DNAH2: variants seen among roughly 807,000 people sequenced by gnomAD.
The protein encoded by DNAH2 is axonemal beta dynein heavy chain 2.
DNAH2 carries 323 observed loss-of-function variants against 523.5 expected under a neutral mutation model. That is an observed-to-expected ratio of 0.62 (90% confidence interval 0.56 to 0.68). DNAH2 has a LOEUF of 0.68. Ranked by LOEUF, DNAH2 falls within the 30% of genes least tolerant of loss-of-function variation. The probability of loss-of-function intolerance (pLI) is 0.00; values close to 1 mark genes in which losing one functional copy is unlikely to be tolerated. For synonymous variants in DNAH2, 2,093 were observed against 2,177.4 expected, an observed-to-expected ratio of 0.96 and a Z score of 1.08; for missense variants, 4,907 against 5,701.5, an observed-to-expected ratio of 0.86 and a Z score of 4.49.
chr17:7,763,754 A>G (rs1487352549), intron 18 of DNAH2, 77 bp from the exon 19 acceptor site: 78 of 1,560,092 alleles, frequency 5.0e-5, no homozygotes, highest in Non-Finnish European at 6.6e-5. Flanking sequence ...AGGAAATGAG[A>G]CCTGCAGCCC....
chr17:7,803,960 G>C (rs1567726974), intron 58 of DNAH2, among the ~76,000 whole-genome samples: 1 of 152,234 alleles, frequency 6.6e-6, no homozygotes, highest in African/African-American at 2.4e-5. Flanking sequence ...GGAAACAGAG[G>C]AAGATTCTCA....
Position 7,742,922 on chromosome 17 carries a change from C to G in DNAH2, c.1690-6C>G, listed in dbSNP as rs2075395900. ...GACTCCACCCACCTGTTCTTCTTCC[C>G]CTCAGTGCCTTGCTGGTGCTCATTT... On this transcript the variant is annotated splice_region_variant and splice_polypyrimidine_tract_variant and intron_variant, in intron 11 of 85. Coordinates refer to ENST00000572933, the MANE Select transcript of DNAH2 (RefSeq NM_020877.5). 18 of 1,455,380 alleles carry G rather than the reference C, an allele frequency of 1.2e-5. No individual in the cohort carries two copies. The highest frequency in any genetic ancestry group is 1.7e-5 in the South Asian group (1 of 59,670). The allele number at this position is 1,455,380 out of a possible 1,614,324, so 90.2% of individuals were successfully genotyped here.
intron 32 of DNAH2, 47 bp from the exon 33 acceptor site, chr17:7,777,399 G>A: frequency 1.2e-6 from 2 of 1,605,394 alleles, no homozygotes; most frequent in South Asian, 1.1e-5. Flanking sequence ...ATCAGGCTTT[G>A]GCGGCATTGC....
Position 7,821,462 on chromosome 17 carries a change from C to A in DNAH2, c.11142+93C>A. ...AGGACTCCAGACCCAGAGGGTCAGG[C>A]CCACAGCATCAGTGAGTGAGCTGAG... On this transcript the variant is annotated intron_variant, in intron 73 of 85. Transcript: ENST00000572933. The surrounding 1 kb of genome is among the most constrained non-coding windows in gnomAD (Gnocchi z 5.0). The A allele has an allele frequency of 6.9e-7, 1 of 1,444,644 alleles. No homozygotes were observed. The highest frequency in any genetic ancestry group is 1.4e-5 in the South Asian group (1 of 72,526). The allele number at this position is 1,444,644 out of a possible 1,614,324, so 89.5% of individuals were successfully genotyped here. A position where few individuals can be genotyped will look rare whatever the true frequency, so the allele number is the denominator to read the frequency against.
chr17:7,832,648 C>G lies in DNAH2; in HGVS notation c.12796C>G (p.Leu4266Val), dbSNP rs777165731. The change falls in exon 83 of 86, where the codon CTG becomes GTG. Residue 4266 changes from leucine (L) to valine (V), a missense_variant. Physicochemically the swap from Leu to Val is conservative, Grantham distance 32. This residue lies in a region of DNAH2 where 1,851 missense variants were observed against 2,139.4 expected (regional missense o/e 0.87). Transcript: ENST00000572933. This position sits in a 1 kb window ranked among gnomAD's most constrained non-coding sequence, Gnocchi z 4.3. The part of the protein sequence containing the change: ...DLAMRVEQFE[L>V]WASRARPPVI... ...GGCCATGCGTGTGGAGCAGTTTGAG[C>G]TGTGGGCCAGCCGGGCCCGGCCTCC... The G allele has an allele frequency of 8.7e-6, 14 of 1,614,132 alleles. No individual in the cohort carries two copies. In the East Asian group the frequency reaches 2.0e-4, roughly 23 times the overall value.
At chr17:7,775,579 G>A (rs893531283) in intron 30 of DNAH2, among the ~76,000 whole-genome samples, 3 of 152,034 alleles carry the variant, frequency 2.0e-5, no homozygotes, top group South Asian at 4.1e-4. Context: ...CAGCTACTCG[G>A]GAGGCTGAGG....
chr17:7,773,753 G>A (rs1243550619), intron 28 of DNAH2, among the ~76,000 whole-genome samples: 4 of 151,430 alleles, frequency 2.6e-5, no homozygotes, highest in Admixed American at 6.6e-5. Flanking sequence ...TTTTTGAGAC[G>A]GAGTCTCGCT....
At position 7,804,372 on chromosome 17, in the gene DNAH2, A is replaced by T; in HGVS notation, c.9089A>T (p.Asp3030Val). ...KVQVMSLELE[D>V]AKKKVAEFQK... ...CAAGTGATGTCGTTGGAGCTGGAGG[A>T]TGCCAAGAAGAAGGTGGCTGAGTTC... The change falls in exon 59 of 86, where the codon GAT (aspartate) becomes GTT (valine). Residue 3030 changes from aspartate to valine, a missense_variant. Asp to Val is a radical substitution (Grantham distance 152, BLOSUM62 -3). This residue lies in a region of DNAH2 where 1,851 missense variants were observed against 2,139.4 expected (regional missense o/e 0.87). Transcript: ENST00000572933. 4.3e-6 allele frequency: 7 copies of T among 1,614,166 alleles called. No individual in the cohort carries two copies. The highest frequency in any genetic ancestry group is 5.1e-6 in the Non-Finnish European group (6 of 1,180,036).
At chr17:7,719,127 C>CTTT (rs34833123) in intron 1 of DNAH2, among the ~76,000 whole-genome samples, 1 of 136,466 alleles carries the variant, frequency 7.3e-6, no homozygotes, top group Admixed American at 7.3e-5. Context: ...GTCTGGCCAT[C>CTTT]TTTTTTTTTT....
intron 12 of DNAH2, among the ~76,000 whole-genome samples, chr17:7,752,569 G>T (rs1388842179): frequency 1.3e-5 from 2 of 152,062 alleles, no homozygotes; most frequent in African/African-American, 4.8e-5. Flanking sequence ...AATTAGCGGG[G>T]CGTGGTGGCG....
intron 39 of DNAH2, 132 bp from the exon 40 acceptor site, chr17:7,785,992 G>A (rs2076722750): frequency 3.4e-6 from 3 of 871,518 alleles, no homozygotes; most frequent in Admixed American, 2.5e-5. Flanking sequence ...AGTGAACAGA[G>A]CCGGAGTGCA....
In DNAH2 at chr17:7,832,441, G is replaced by A; in HGVS notation, c.12727-138G>A. On this transcript the variant is annotated intron_variant, in intron 82 of 85. Transcript: ENST00000572933. The surrounding 1 kb of genome is among the most constrained non-coding windows in gnomAD (Gnocchi z 4.3). Reference sequence around the variant, plus strand: ...AGGAGAATAGCTTAACTTGGGAGGTGGAGGTTGCAGTGAGCCAAGATCGTA... The same window carrying A: ...AGGAGAATAGCTTAACTTGGGAGGTAGAGGTTGCAGTGAGCCAAGATCGTA... The A allele has an allele frequency of 1.0e-6, 1 of 991,808 alleles. No homozygotes were observed. The highest frequency in any genetic ancestry group is 1.5e-6 in the Non-Finnish European group (1 of 672,048). 61.4% of individuals were successfully genotyped at this position (991,808 alleles called of 1,614,324 possible). A position where few individuals can be genotyped will look rare whatever the true frequency, so the allele number is the denominator to read the frequency against.
chr17:7,784,985 T>A (rs2076695790), intron 39 of DNAH2, among the ~76,000 whole-genome samples: 1 of 152,116 alleles, frequency 6.6e-6, no homozygotes, highest in Non-Finnish European at 1.5e-5. Context: ...CATAAAGAGA[T>A]GCATTTGAAT....
chr17:7,752,430 G>C (rs1473018640), intron 12 of DNAH2, among the ~76,000 whole-genome samples: 1 of 152,020 alleles, frequency 6.6e-6, no homozygotes, highest in African/African-American at 2.4e-5. Flanking sequence ...GTATGTTCAG[G>C]CCGCGCGCGG....
At chr17:7,771,555 T>C (rs1597606241) in intron 28 of DNAH2, 87 bp downstream of exon 28, 3 of 1,444,846 alleles carry the variant, frequency 2.1e-6, no homozygotes, top group East Asian at 2.3e-5. Context: ...TTAAAAAGAC[T>C]GATGCCCCCA....
Position 7,801,666 on chromosome 17 carries a change from G to A in DNAH2, c.8788G>A (p.Ala2930Thr). 1 of 1,614,178 alleles carries A rather than the reference G, an allele frequency of 6.2e-7. No individual in the cohort carries two copies. Among genetic ancestry groups the A allele is most frequent in the Non-Finnish European group, 8.5e-7 (1 of 1,180,042 alleles). ...EWPQEALLEV[A>T]EKCLIGVDLG... ...GCCCCAAGAGGCCCTGCTCGAGGTG[G>A]CTGAGAAGTGCCTCATAGGAGTAGA... The change falls in exon 57 of 86, where the codon GCT (alanine) becomes ACT (threonine). Residue 2930 changes from alanine (A) to threonine (T), a missense_variant. By Grantham distance (58) the Ala-to-Thr change is moderately conservative. Transcript: ENST00000572933.
At chr17:7,741,236 C>CTCTCTCTT (rs1555540638) in intron 11 of DNAH2, among the ~76,000 whole-genome samples, 91 of 85,644 alleles carry the variant, frequency 1.1e-3, no homozygotes, top group Middle Eastern at 6.0e-3. Flanking sequence ...TTTTCTCTCT[C>CTCTCTCTT]TCTTTCTTTC....
At position 7,771,450 on chromosome 17, in the gene DNAH2, C is replaced by G. The variant is rs776753676; in HGVS notation, c.4483C>G (p.Arg1495Gly). Residue 1495 changes from arginine to glycine, a missense_variant, in exon 28 of 86, where the codon CGG (arginine) becomes GGG (glycine). Arg to Gly is a moderately radical substitution (Grantham distance 125). Transcript: ENST00000572933. ...GATGAACAAGGACAACAATGCTCTCCGGAGCACCCATCACCCAGGTCAGAG... is the reference window on the plus strand; with the variant it reads ...GATGAACAAGGACAACAATGCTCTCGGGAGCACCCATCACCCAGGTCAGAG... Reference protein sequence around the residue: ...DRMNKDNNALRSTHHPGLLDT... With the variant: ...DRMNKDNNALGSTHHPGLLDT... The G allele has an allele frequency of 3.7e-6, 6 of 1,613,914 alleles. No homozygotes were observed. The Admixed American group carries it at 6.7e-5, about 18-fold the overall frequency.
Position 7,769,519 on chromosome 17 carries a change from T to C in DNAH2, c.3942-733T>C, listed in dbSNP as rs112510752. 2.7e-3 allele frequency among the ~76,000 whole-genome samples: 418 copies of C among 152,338 alleles called. 2 individuals carry two copies. Among genetic ancestry groups the C allele is most frequent in the African/African-American group, 9.2e-3 (383 of 41,582 alleles). On this transcript the variant is annotated intron_variant, in intron 24 of 85. Coordinates refer to ENST00000572933, the MANE Select transcript of DNAH2 (RefSeq NM_020877.5). ...ATTTTGAGGTAGCCAGAAGTATAAC[T>C]TTCTTTCTGTATGGTTTTTGCCTTT...
Sources: allele counts gnomAD v4.1 joint callset (sites outside exome capture counted in the v4.1 genomes callset), GRCh38; gene constraint gnomAD v4.1.1; regional missense constraint gnomAD v4.1.1; non-coding constraint Gnocchi (gnomAD v3.1); transcripts MANE v1.5; gene names NCBI Gene and HGNC (gene_info 2026-07-23, HGNC 2026-07-21).